The following TRPM3 variants were observed in gnomAD, a reference collection of about 807,000 sequenced individuals.
TRPM3 encodes transient receptor potential cation channel subfamily M member 3, also known as long transient receptor potential channel 3.
Under a neutral mutation model 181.2 loss-of-function variants are expected in TRPM3, and 77 were observed. That is an observed-to-expected ratio of 0.42 (90% CI 0.35 to 0.51). The LOEUF is 0.51. Among genes scored for constraint, TRPM3 ranks in the 20% least tolerant of loss-of-function variants. The pLI is 0.01. For synonymous variants in TRPM3, 745 were observed against 796.4 expected (o/e 0.94, Z 1.09); for missense variants, 1,759 against 2,196.7 (o/e 0.80, Z 3.98).
At chr9:70,856,827 G>T (rs978976780) in intron 3 of TRPM3, among the ~76,000 whole-genome samples, 1 of 152,150 alleles carries the variant, frequency 6.6e-6, no homozygotes, top group Non-Finnish European at 1.5e-5. Context: ...GACTTGAGAG[G>T]TTTAAATATA....
At chr9:71,140,905 C>T (rs1327177859) in intron 1 of TRPM3, among the ~76,000 whole-genome samples, 1 of 152,050 alleles carries the variant, frequency 6.6e-6, no homozygotes, top group African/African-American at 2.4e-5. Flanking sequence ...TGGGGAGACC[C>T]GGGGGTTTTA....
intron 1 of TRPM3, among the ~76,000 whole-genome samples, chr9:71,110,092 C>T (rs1401768497): frequency 6.6e-6 from 1 of 152,074 alleles, no homozygotes; most frequent in Non-Finnish European, 1.5e-5. Flanking sequence ...GATAGCCCAC[C>T]ACACACTGCT....
intron 1 of TRPM3, among the ~76,000 whole-genome samples, chr9:71,030,623 A>G (rs2057173186): frequency 6.6e-6 from 1 of 152,040 alleles, no homozygotes; most frequent in Non-Finnish European, 1.5e-5. Flanking sequence ...TTGACTAATC[A>G]GATGCTAAAT....
intron 1 of TRPM3, among the ~76,000 whole-genome samples, chr9:71,016,029 T>A (rs758926203): frequency 6.6e-6 from 1 of 151,560 alleles, no homozygotes; most frequent in Non-Finnish European, 1.5e-5. Context: ...ACCCCATCTC[T>A]ACTAAAAATA....
chr9:71,182,920 C>T (rs996120833), intron 1 of TRPM3, among the ~76,000 whole-genome samples: 1 of 152,072 alleles, frequency 6.6e-6, no homozygotes, highest in Non-Finnish European at 1.5e-5. Context: ...CCTCGGCCTC[C>T]CAAAGTGCTG....
rs941266870 is a variant in TRPM3, at chr9:71,282,115, A to G, written c.183+164538T>C. Among the ~76,000 whole-genome samples the G allele has an allele frequency of 7.8e-4, 108 of 138,156 alleles. 13 individuals carry two copies. The highest frequency in any genetic ancestry group is 2.5e-3 in the African/African-American group (89 of 35,218). 90.6% of individuals were successfully genotyped at this position (138,156 alleles called of 152,430 possible). A position where few individuals can be genotyped will look rare whatever the true frequency, so the allele number is the denominator to read the frequency against. On this transcript the variant is annotated intron_variant, in intron 1 of 24. Transcript: ENST00000357533. ...AGAGAAAGAAAGAAAAGAAAGAAAGAAAAAGAAAGAACGAAAGAAAGAAAG... is the reference window on the plus strand; with the variant it reads ...AGAGAAAGAAAGAAAAGAAAGAAAGGAAAAGAAAGAACGAAAGAAAGAAAG...
chr9:71,397,720 T>C (rs576564871), intron 1 of TRPM3, among the ~76,000 whole-genome samples: 1 of 152,294 alleles, frequency 6.6e-6, no homozygotes, highest in South Asian at 2.1e-4. Flanking sequence ...TAAATTCCCA[T>C]GGTCTAATAT....
At chr9:71,082,192 GATGT>G (rs2064474480) in intron 1 of TRPM3, among the ~76,000 whole-genome samples, 4 of 152,158 alleles carry the variant, frequency 2.6e-5, no homozygotes, top group Admixed American at 2.6e-4. Context: ...GAATATATCA[GATGT>G]ATGAAGTGCA....
intron 1 of TRPM3, among the ~76,000 whole-genome samples, chr9:71,042,919 A>G (rs2058996102): frequency 6.6e-6 from 1 of 152,222 alleles, no homozygotes; most frequent in Non-Finnish European, 1.5e-5. Context: ...AAATCACAGT[A>G]TCATTTAAGA....
chr9:71,279,015 C>T lies in TRPM3; in HGVS notation c.183+167638G>A, dbSNP rs990903003. On this transcript the variant is annotated intron_variant, in intron 1 of 24. Transcript: ENST00000357533. ...GACTCATGTCAAGTTCTCTCCTCAC[C>T]AAACTTATCCTGCTTAGGTTAAAAA... is the stretch of plus-strand genomic sequence containing the variant. Among the ~76,000 whole-genome samples, 3 of 141,174 alleles carry T rather than the reference C, an allele frequency of 2.1e-5. 1 individual carries two copies. The East Asian group carries it at 6.5e-4, about 30-fold the overall frequency. 92.6% of individuals were successfully genotyped at this position (141,174 alleles called of 152,430 possible).
chr9:70,944,120 A>T (rs192587000), intron 1 of TRPM3, among the ~76,000 whole-genome samples: 1 of 152,212 alleles, frequency 6.6e-6, no homozygotes, highest in South Asian at 2.1e-4. Context: ...CCATAGGGTT[A>T]TACAAGTGAC....
chr9:70,671,472 C>T (rs2062909076), intron 9 of TRPM3, among the ~76,000 whole-genome samples: 1 of 152,044 alleles, frequency 6.6e-6, no homozygotes, highest in African/African-American at 2.4e-5. Flanking sequence ...AATCTCTTCA[C>T]AAATTCTTGT....
intron 1 of TRPM3, among the ~76,000 whole-genome samples, chr9:71,107,717 A>G (rs562464385): frequency 2.6e-5 from 4 of 152,312 alleles, no homozygotes; most frequent in Admixed American, 6.5e-5. Flanking sequence ...ACTGTTTTAC[A>G]TTTGTATGAA....
intron 22 of TRPM3, among the ~76,000 whole-genome samples, chr9:70,568,280 A>G (rs1178555976): frequency 6.6e-6 from 1 of 152,218 alleles, no homozygotes; most frequent in African/African-American, 2.4e-5. Flanking sequence ...TTTCAAGCCC[A>G]AGTACAGCAA....
intron 1 of TRPM3, among the ~76,000 whole-genome samples, chr9:70,946,645 A>G (rs2096936702): frequency 6.6e-6 from 1 of 152,092 alleles, no homozygotes. Context: ...CACATTAAAC[A>G]TATTCATGTA....
intron 16 of TRPM3, among the ~76,000 whole-genome samples, chr9:70,619,827 A>T (rs1352914342): frequency 6.6e-6 from 1 of 152,128 alleles, no homozygotes; most frequent in Non-Finnish European, 1.5e-5. Flanking sequence ...TCCTAGCTGA[A>T]AGAAGTGCAT....
At chr9:71,380,205 A>G (rs1321881730) in intron 1 of TRPM3, among the ~76,000 whole-genome samples, 5 of 152,002 alleles carry the variant, frequency 3.3e-5, no homozygotes, top group Admixed American at 3.3e-4. Flanking sequence ...CTTCTAGAGA[A>G]AGGCTGCTAA....
At chr9:71,286,599 G>A (rs1459598061) in intron 1 of TRPM3, among the ~76,000 whole-genome samples, 1 of 152,018 alleles carries the variant, frequency 6.6e-6, no homozygotes, top group Non-Finnish European at 1.5e-5. Flanking sequence ...TAACTTAGGA[G>A]GTTAGCAATG....
At chr9:71,051,576 G>C (rs2060063992) in intron 1 of TRPM3, among the ~76,000 whole-genome samples, 1 of 152,080 alleles carries the variant, frequency 6.6e-6, no homozygotes, top group Admixed American at 6.6e-5. Context: ...GCAAAATATG[G>C]ACAGAAAGTG....
Sources: allele counts gnomAD v4.1 joint callset (sites outside exome capture counted in the v4.1 genomes callset), GRCh38; gene constraint gnomAD v4.1.1; transcripts MANE v1.5; gene names NCBI Gene and HGNC (gene_info 2026-07-23, HGNC 2026-07-21).